Variants in UTRN observed in about 807,000 individuals in gnomAD.
UTRN encodes the protein dystrophin-related protein 1.
A neutral mutation model predicts 463.9 loss-of-function variants in UTRN; 283 were observed. The observed-to-expected ratio is 0.61, with a 90% CI of 0.55 to 0.67. The LOEUF is 0.67. Among genes scored for constraint, UTRN ranks in the 30% least tolerant of loss-of-function variants. UTRN has a pLI of 0.00. For missense variants in UTRN, 3,922 were observed against 4,084.3 expected (o/e 0.96, Z 1.08); for synonymous variants, 1,442 against 1,431.5 (o/e 1.01, Z -0.17).
chr6:144,488,897 C>T, intron 30 of UTRN, 63 bp downstream of exon 30: 1 of 1,425,348 alleles, frequency 7.0e-7, no homozygotes, highest in Non-Finnish European at 9.3e-7. Flanking sequence ...GCCTCCTCAA[C>T]TATAAGAGAA....
chr6:144,375,370 A>C (rs979598990), intron 2 of UTRN, among the ~76,000 whole-genome samples: 1 of 152,246 alleles, frequency 6.6e-6, no homozygotes, highest in Admixed American at 6.5e-5. Context: ...TAAGCATGTT[A>C]GAATATTTGA....
chr6:144,399,512 A>G (rs578163972), intron 2 of UTRN, among the ~76,000 whole-genome samples: 122 of 152,332 alleles, frequency 8.0e-4, no homozygotes, highest in Non-Finnish European at 1.3e-3. Context: ...TCATCCAATA[A>G]GAGATTTCTT....
chr6:144,717,196 A>G (rs1786556189), intron 53 of UTRN, among the ~76,000 whole-genome samples: 1 of 152,232 alleles, frequency 6.6e-6, no homozygotes, highest in Non-Finnish European at 1.5e-5. Context: ...TATTGTTAGC[A>G]GTAAAATACT....
chr6:144,779,301 T>C (rs1775610082), intron 60 of UTRN, among the ~76,000 whole-genome samples: 1 of 152,198 alleles, frequency 6.6e-6, no homozygotes, highest in East Asian at 1.9e-4. Context: ...TATTAAACAC[T>C]TTCCTTTGTC....
At chr6:144,695,526 G>T (rs993233510) in intron 52 of UTRN, among the ~76,000 whole-genome samples, 5 of 152,060 alleles carry the variant, frequency 3.3e-5, no homozygotes, top group African/African-American at 1.2e-4. Context: ...TGTATTTTTA[G>T]TAGAGACGGG....
At chr6:144,592,726 T>G (rs1803231085) in intron 51 of UTRN, among the ~76,000 whole-genome samples, 1 of 152,208 alleles carries the variant, frequency 6.6e-6, no homozygotes, top group Admixed American at 6.5e-5. Context: ...AGCACCTGTT[T>G]ACATAACCAC....
chr6:144,476,939 T>C (rs1398003969), intron 25 of UTRN, among the ~76,000 whole-genome samples: 1 of 152,026 alleles, frequency 6.6e-6, no homozygotes, highest in Non-Finnish European at 1.5e-5. Context: ...AGAGGTGGTT[T>C]TGTTATTTTT....
intron 2 of UTRN, among the ~76,000 whole-genome samples, chr6:144,393,035 CCATCCATCCATCCATT>C (rs796287764): frequency 0.012 from 1,626 of 133,410 alleles, 18 homozygotes; most frequent in South Asian, 0.06. Context: ...ATCCATCCAT[CCATCCATCCATCCATT>C]CATCCATCCA....
chr6:144,671,201 CAT>C (rs1435861809), intron 51 of UTRN, among the ~76,000 whole-genome samples: 2 of 150,894 alleles, frequency 1.3e-5, no homozygotes, highest in South Asian at 2.1e-4. Context: ...TGATGGGAAT[CAT>C]GTAGAATTTA....
intron 49 of UTRN, 109 bp downstream of exon 49, chr6:144,555,002 T>C: frequency 7.9e-7 from 1 of 1,261,020 alleles, no homozygotes; most frequent in South Asian, 1.6e-5. Context: ...TTTTCCTAAG[T>C]TCTTAGAGTG....
intron 60 of UTRN, among the ~76,000 whole-genome samples, chr6:144,778,322 G>A (rs1029165534): frequency 2.0e-5 from 3 of 152,044 alleles, no homozygotes; most frequent in African/African-American, 7.3e-5. Flanking sequence ...GATATTTCAC[G>A]GTTTGCAGAC....
chr6:144,719,775 A>T (rs1222454526), intron 53 of UTRN, among the ~76,000 whole-genome samples: 2 of 152,358 alleles, frequency 1.3e-5, no homozygotes, highest in Middle Eastern at 6.8e-3. Context: ...TTCTAAGTGC[A>T]ACAGGAAGCC....
intron 2 of UTRN, chr6:144,398,565 A>G (rs1477467070): frequency 1.7e-5 from 4 of 236,554 alleles, no homozygotes; most frequent in Non-Finnish European, 3.4e-5. Context: ...AGGCCAGGTT[A>G]TTATGAAGAA....
chr6:144,683,321 C>T (rs1782401637), intron 52 of UTRN, among the ~76,000 whole-genome samples: 1 of 152,126 alleles, frequency 6.6e-6, no homozygotes, highest in Admixed American at 6.5e-5. Context: ...CAATTATTCT[C>T]CCTGAATTTA....
chr6:144,407,573 C>G (rs1254436059), intron 3 of UTRN, among the ~76,000 whole-genome samples: 2 of 152,194 alleles, frequency 1.3e-5, no homozygotes, highest in Non-Finnish European at 2.9e-5. Flanking sequence ...TTACCCAATA[C>G]AATTCTTCAC....
intron 51 of UTRN, among the ~76,000 whole-genome samples, chr6:144,676,196 A>G (rs907116593): frequency 2.0e-5 from 3 of 152,210 alleles, no homozygotes; most frequent in Admixed American, 2.0e-4. Flanking sequence ...AAGGGCAAGT[A>G]AAGTTAGGGA....
At position 144,513,811 on chromosome 6, in the gene UTRN, G is replaced by T. The variant is rs550694262; in HGVS notation, c.4945-98G>T. The T allele has an allele frequency of 3.0e-6, 4 of 1,354,124 alleles. No homozygotes were observed. The African/African-American group carries it at 4.4e-5, about 15-fold the overall frequency. The allele number at this position is 1,354,124 out of a possible 1,614,324, so 83.9% of individuals were successfully genotyped here. Reference sequence around the variant, plus strand: ...GTGAAAGCTCTCCTTTAAATTCATGGTACAGTTTGCTCTTTGAAGGTCTTT... The same window carrying T: ...GTGAAAGCTCTCCTTTAAATTCATGTTACAGTTTGCTCTTTGAAGGTCTTT... On this transcript the variant is annotated intron_variant, in intron 35 of 74. Coordinates refer to ENST00000367545, the MANE Select transcript of UTRN (RefSeq NM_007124.3).
At chr6:144,711,455 C>T (rs1052890379) in intron 53 of UTRN, among the ~76,000 whole-genome samples, 1 of 152,154 alleles carries the variant, frequency 6.6e-6, no homozygotes, top group Non-Finnish European at 1.5e-5. Context: ...GCTGAGGTCA[C>T]TTATATGCAA....
chr6:144,554,201 A>G (rs1799182971), intron 48 of UTRN, among the ~76,000 whole-genome samples: 1 of 152,242 alleles, frequency 6.6e-6, no homozygotes, highest in African/African-American at 2.4e-5. Flanking sequence ...GCTACAGTAA[A>G]ACAAATGCAA....
Sources: allele counts gnomAD v4.1 joint callset (sites outside exome capture counted in the v4.1 genomes callset), GRCh38; gene constraint gnomAD v4.1.1; transcripts MANE v1.5; gene names NCBI Gene and HGNC (gene_info 2026-07-23, HGNC 2026-07-21).